The following CELF4 variants were observed in gnomAD, a reference collection of about 807,000 sequenced individuals.
CELF4 encodes the protein CUG-BP- and ETR-3-like factor 4.
In CELF4, 18 loss-of-function variants were observed where a neutral mutation model predicts 59.9. The ratio of observed to expected loss-of-function variants is 0.30; its 90% CI spans 0.21 to 0.45. The LOEUF (loss-of-function observed/expected upper bound fraction) is 0.45, where lower values mean the gene tolerates loss of function less well. Ranked by LOEUF, CELF4 falls within the 20% of genes least tolerant of loss-of-function variation. The pLI, the probability that CELF4 is intolerant of heterozygous loss-of-function variation, is 1.00. For missense variants in CELF4, 456 were observed against 689.0 expected (o/e 0.66, Z 3.79); for synonymous variants, 261 against 267.1 (o/e 0.98, Z 0.22).
Position 37,297,882 on chromosome 18 carries a change from AC to A in CELF4, c.449-22640del, listed in dbSNP as rs2095756183. On this transcript the variant is annotated intron_variant, in intron 3 of 12. Coordinates refer to ENST00000420428, the MANE Select transcript of CELF4 (RefSeq NM_020180.4). ...GGCCATGCAAAGGCCCAGATGCCAG[AC>A]CCTGTGCCCTCTGGCCGTCAAGTTA... is the stretch of plus-strand genomic sequence containing the variant. 2.6e-5 allele frequency among the ~76,000 whole-genome samples: 4 copies of A among 151,310 alleles called. No individual in the cohort carries two copies. In the South Asian group the frequency reaches 8.4e-4, roughly 32 times the overall value.
chr18:37,485,728 C>T (rs546106192), intron 1 of CELF4, 121 bp from the exon 2 acceptor site: 432 of 464,018 alleles, frequency 9.3e-4, no homozygotes, highest in Admixed American at 1.5e-3. Context: ...GTCCCCACCT[C>T]TCTTTCTCTC....
At chr18:37,476,339 C>T (rs1306315453) in intron 2 of CELF4, among the ~76,000 whole-genome samples, 2 of 152,216 alleles carry the variant, frequency 1.3e-5, no homozygotes, top group Admixed American at 1.3e-4. Flanking sequence ...CCATTAAACA[C>T]ACTGTGCTCC....
In CELF4 at chr18:37,449,112, ACAGCTGGTTGCCC is replaced by A. The variant is rs1236316123; in HGVS notation, c.369+36400_369+36412del. Among the ~76,000 whole-genome samples, 3 of 152,190 alleles carry A rather than the reference ACAGCTGGTTGCCC, an allele frequency of 2.0e-5. No homozygotes were observed. The East Asian group carries it at 5.8e-4, about 29-fold the overall frequency. ...AGTAGCAAAACCGGACCACCAACCC[ACAGCTGGTTGCCC>A]CAGCTCAGTAGCCTAGGTGTTCATA... On this transcript the variant is annotated intron_variant, in intron 2 of 12. Transcript: ENST00000420428.
intron 1 of CELF4, among the ~76,000 whole-genome samples, chr18:37,552,922 G>C (rs966025010): frequency 4.3e-4 from 65 of 152,134 alleles, no homozygotes; most frequent in Non-Finnish European, 7.4e-4. Flanking sequence ...GTTGTGACGT[G>C]GTCTGCCCAG....
At chr18:37,540,481 A>C (rs1260724341) in intron 1 of CELF4, among the ~76,000 whole-genome samples, 2 of 152,186 alleles carry the variant, frequency 1.3e-5, no homozygotes, top group African/African-American at 4.8e-5. Flanking sequence ...AGGGGTTCAG[A>C]GAAACGAGCC....
rs150371725 is a variant in CELF4 at position 37,254,991 on chromosome 18, C to T, written c.1334-1053G>A. Among the ~76,000 whole-genome samples, 18 of 152,322 alleles carry T rather than the reference C, an allele frequency of 1.2e-4. No individual in the cohort carries two copies. Among genetic ancestry groups the T allele is most frequent in the African/African-American group, 3.8e-4 (16 of 41,574 alleles). On this transcript the variant is annotated intron_variant, in intron 11 of 12. Coordinates refer to ENST00000420428, the MANE Select transcript of CELF4 (RefSeq NM_020180.4). This position sits in a 1 kb window ranked among gnomAD's most constrained non-coding sequence, Gnocchi z 5.1. ...GCCAGTGCAGCATATCAACAAATAA[C>T]GTCCCCTCCCTCACCGAGTTGTAGT...
chr18:37,262,497 G>T (rs758944323), intron 10 of CELF4, among the ~76,000 whole-genome samples: 1 of 152,092 alleles, frequency 6.6e-6, no homozygotes, highest in African/African-American at 2.4e-5. Context: ...AGTGTAGGGT[G>T]GGAGAGGGGC....
At chr18:37,464,752 G>T (rs1359227245) in intron 2 of CELF4, among the ~76,000 whole-genome samples, 1 of 152,202 alleles carries the variant, frequency 6.6e-6, no homozygotes, top group Admixed American at 6.5e-5. Flanking sequence ...GCCTGCCCTG[G>T]CTGGTTCACA....
rs567959618 is a variant in CELF4, at chr18:37,328,199, A to G, written c.370-6318T>C. ...CAACTGATTAGTGCTATGTGACATC[A>G]CAGACATCCTAAAAGAATTCACTGT... On this transcript the variant is annotated intron_variant, in intron 2 of 12. Coordinates refer to ENST00000420428, the MANE Select transcript of CELF4 (RefSeq NM_020180.4). Among the ~76,000 whole-genome samples the G allele has an allele frequency of 2.6e-5, 4 of 152,336 alleles. No homozygotes were observed. The South Asian group carries it at 6.2e-4, about 24-fold the overall frequency.
chr18:37,465,904 G>A (rs1603641874), intron 2 of CELF4, among the ~76,000 whole-genome samples: 1 of 152,150 alleles, frequency 6.6e-6, no homozygotes, highest in Admixed American at 6.5e-5. Flanking sequence ...TCAGTATGCT[G>A]GCAGCAGAAT....
At chr18:37,360,835 C>G (rs1247262096) in intron 2 of CELF4, among the ~76,000 whole-genome samples, 1 of 152,222 alleles carries the variant, frequency 6.6e-6, no homozygotes. Flanking sequence ...AATCTCAGTT[C>G]TAATGCGTGG....
chr18:37,554,843 G>T (rs2099984306), intron 1 of CELF4, among the ~76,000 whole-genome samples: 1 of 152,174 alleles, frequency 6.6e-6, no homozygotes, highest in African/African-American at 2.4e-5. Context: ...AGAGTGAGGG[G>T]TCCAGGACTG....
chr18:37,445,038 C>T (rs997320822), intron 2 of CELF4, among the ~76,000 whole-genome samples: 2 of 152,050 alleles, frequency 1.3e-5, no homozygotes, highest in African/African-American at 4.8e-5. Flanking sequence ...GAGGAGGGGG[C>T]ATGTAACTGT....
chr18:37,395,900 T>C (rs1466935042), intron 2 of CELF4, among the ~76,000 whole-genome samples: 1 of 152,206 alleles, frequency 6.6e-6, no homozygotes, highest in African/African-American at 2.4e-5. Context: ...CCCATCCAGC[T>C]AGACTGATCC....
intron 1 of CELF4, among the ~76,000 whole-genome samples, chr18:37,528,772 A>G (rs2099966500): frequency 6.6e-6 from 1 of 152,176 alleles, no homozygotes; most frequent in Non-Finnish European, 1.5e-5. Context: ...GACTGCATGT[A>G]TTATTTTTGT....
At chr18:37,476,401 T>C (rs1269665571) in intron 2 of CELF4, among the ~76,000 whole-genome samples, 1 of 152,200 alleles carries the variant, frequency 6.6e-6, no homozygotes, top group South Asian at 2.1e-4. Flanking sequence ...GGTGGGCTCA[T>C]GGGAACATAC....
chr18:37,408,988 G>A (rs576965263), intron 2 of CELF4, among the ~76,000 whole-genome samples: 62 of 152,314 alleles, frequency 4.1e-4, no homozygotes, highest in African/African-American at 1.5e-3. Flanking sequence ...CCCCCGCACC[G>A]GGTGCTTAGA....
rs1184094097 is a variant in CELF4 at position 37,243,185 on chromosome 18, T to C, written c.*2057A>G. 8.4e-5 allele frequency: 12 copies of C among 142,142 alleles called. No individual in the cohort carries two copies. The highest frequency in any genetic ancestry group is 2.8e-4 in the African/African-American group (10 of 36,010). The allele number at this position is 142,142 out of a possible 1,614,324, so 8.8% of individuals were successfully genotyped here. A position where few individuals can be genotyped will look rare whatever the true frequency, so the allele number is the denominator to read the frequency against. ...CTGTTTTCTTTTTTTTTTCTTTTTTTCTTTTTTTTTTTTTTTTTTTTACAT... is the reference window on the plus strand; with the variant it reads ...CTGTTTTCTTTTTTTTTTCTTTTTTCCTTTTTTTTTTTTTTTTTTTTACAT... On this transcript the variant is annotated 3_prime_UTR_variant, in exon 13 of 13. Transcript: ENST00000420428.
chr18:37,423,062 G>GCACA (rs143795424), intron 2 of CELF4, among the ~76,000 whole-genome samples: 1 of 27,630 alleles, frequency 3.6e-5, no homozygotes, highest in Non-Finnish European at 1.7e-4. Flanking sequence ...ATGCGCGCGC[G>GCACA]CGCACACACA....
Sources: allele counts gnomAD v4.1 joint callset (sites outside exome capture counted in the v4.1 genomes callset), GRCh38; gene constraint gnomAD v4.1.1; non-coding constraint Gnocchi (gnomAD v3.1); transcripts MANE v1.5; gene names NCBI Gene and HGNC (gene_info 2026-07-23, HGNC 2026-07-21).